ALK: variants seen among roughly 807,000 people sequenced by gnomAD.
ALK encodes the protein ALK receptor tyrosine kinase.
Under a neutral mutation model 163.1 loss-of-function variants are expected in ALK, and 74 were observed. The ratio of observed to expected loss-of-function variants is 0.45; its 90% CI spans 0.38 to 0.55. The LOEUF (loss-of-function observed/expected upper bound fraction) is 0.55. Among genes scored for constraint, ALK ranks in the 20% least tolerant of loss-of-function variants. The pLI is 0.00. For synonymous variants in ALK, 960 were observed against 843.2 expected, an observed-to-expected ratio of 1.14 and a Z score of -2.40; for missense variants, 2,063 against 2,105.3, an observed-to-expected ratio of 0.98 and a Z score of 0.39.
At chr2:29,726,231 T>G (rs1011219794) in intron 1 of ALK, among the ~76,000 whole-genome samples, 1 of 152,212 alleles carries the variant, frequency 6.6e-6, no homozygotes, top group African/African-American at 2.4e-5. Flanking sequence ...GGTCCATTTC[T>G]GTGGTTTGCT....
intron 1 of ALK, among the ~76,000 whole-genome samples, chr2:29,849,434 G>A (rs1396867762): frequency 6.6e-6 from 1 of 152,220 alleles, no homozygotes; most frequent in African/African-American, 2.4e-5. Context: ...GGAGGCAGGA[G>A]GCGGAACATG....
intron 4 of ALK, among the ~76,000 whole-genome samples, chr2:29,451,738 G>A (rs1670824864): frequency 6.6e-6 from 1 of 152,104 alleles, no homozygotes; most frequent in African/African-American, 2.4e-5. Flanking sequence ...ATGTTTATTT[G>A]CATATTTGTC....
chr2:29,458,455 G>A (rs1381618363), intron 4 of ALK, among the ~76,000 whole-genome samples: 1 of 152,146 alleles, frequency 6.6e-6, no homozygotes. Context: ...CTAAGGAGAT[G>A]TCGCTAATCA....
At chr2:29,374,279 A>C (rs1005882161) in intron 5 of ALK, among the ~76,000 whole-genome samples, 1 of 152,236 alleles carries the variant, frequency 6.6e-6, no homozygotes, top group Non-Finnish European at 1.5e-5. Flanking sequence ...TTTCCTGATG[A>C]GAAAATGAAA....
At chr2:29,849,966 G>A (rs1665948303) in intron 1 of ALK, among the ~76,000 whole-genome samples, 1 of 152,128 alleles carries the variant, frequency 6.6e-6, no homozygotes, top group Admixed American at 6.5e-5. Flanking sequence ...AGTTTTAGAG[G>A]AGAGGAAATT....
rs193217930 is a variant in ALK at position 29,770,124 on chromosome 2, C to T, written c.668-52427G>A. On this transcript the variant is annotated intron_variant, in intron 1 of 28. Transcript: ENST00000389048. ...ATCTGGAATTGGAGAAATGGAGACT[C>T]CCGGTCCAGGGACACCAGGCACAGT... 4.6e-5 allele frequency among the ~76,000 whole-genome samples: 7 copies of T among 152,298 alleles called. No individual in the cohort carries two copies. The East Asian group carries it at 1.3e-3, about 29-fold the overall frequency.
chr2:29,779,407 A>G (rs1189159865), intron 1 of ALK, among the ~76,000 whole-genome samples: 2 of 152,136 alleles, frequency 1.3e-5, no homozygotes, highest in African/African-American at 4.8e-5. Context: ...TAATGAACAG[A>G]CACAGATAAA....
chr2:29,363,107 G>A (rs1406140590), intron 5 of ALK, among the ~76,000 whole-genome samples: 1 of 152,144 alleles, frequency 6.6e-6, no homozygotes, highest in African/African-American at 2.4e-5. Context: ...CCTCTCTCCA[G>A]GAGTCCTCAG....
At chr2:29,217,253 C>T (rs1329448288) in intron 23 of ALK, among the ~76,000 whole-genome samples, 6 of 133,924 alleles carry the variant, frequency 4.5e-5, no homozygotes, top group Admixed American at 1.5e-4. Flanking sequence ...GTGTGATGTA[C>T]GTGTGTGGTG....
chr2:29,589,060 G>A (rs1227135968), intron 3 of ALK, among the ~76,000 whole-genome samples: 1 of 152,114 alleles, frequency 6.6e-6, no homozygotes, highest in East Asian at 1.9e-4. Context: ...AGGTCTGAGA[G>A]CTTTAGAGGT....
intron 3 of ALK, among the ~76,000 whole-genome samples, chr2:29,661,611 CTATAAGG>C (rs750396018): frequency 6.6e-6 from 1 of 152,078 alleles, no homozygotes; most frequent in Non-Finnish European, 1.5e-5. Flanking sequence ...CATAAAAATC[CTATAAGG>C]TATGACTGTC....
intron 8 of ALK, among the ~76,000 whole-genome samples, chr2:29,305,773 G>A (rs1370582674): frequency 6.6e-6 from 1 of 152,092 alleles, no homozygotes; most frequent in Non-Finnish European, 1.5e-5. Context: ...ACAGACCAGG[G>A]GCTGGGGGTT....
intron 1 of ALK, among the ~76,000 whole-genome samples, chr2:29,824,791 T>C (rs993407660): frequency 2.0e-5 from 3 of 152,244 alleles, no homozygotes; most frequent in Middle Eastern, 3.4e-3. Context: ...AGATGAGATG[T>C]TGAACTGTGG....
intron 3 of ALK, among the ~76,000 whole-genome samples, chr2:29,669,292 T>C (rs1384983486): frequency 6.6e-6 from 1 of 152,112 alleles, no homozygotes; most frequent in Non-Finnish European, 1.5e-5. Context: ...ATTAGGTACA[T>C]AGATATTTAT....
At chr2:29,534,943 T>C (rs1044101285) in intron 3 of ALK, among the ~76,000 whole-genome samples, 2 of 152,260 alleles carry the variant, frequency 1.3e-5, no homozygotes, top group African/African-American at 4.8e-5. Flanking sequence ...GAGCTTATTT[T>C]CACTCTCAAT....
intron 3 of ALK, among the ~76,000 whole-genome samples, chr2:29,565,303 A>G (rs1475854300): frequency 6.6e-6 from 1 of 152,216 alleles, no homozygotes; most frequent in Non-Finnish European, 1.5e-5. Context: ...TGGAACTGAG[A>G]TTTGAACTCG....
chr2:29,386,860 C>T (rs922776820), intron 4 of ALK, among the ~76,000 whole-genome samples: 10 of 152,288 alleles, frequency 6.6e-5, no homozygotes, highest in African/African-American at 1.2e-4. Flanking sequence ...TTTAAGAGAA[C>T]GCCAAAAACC....
chr2:29,900,364 T>C (rs1018638432), intron 1 of ALK, among the ~76,000 whole-genome samples: 1 of 152,210 alleles, frequency 6.6e-6, no homozygotes, highest in Non-Finnish European at 1.5e-5. Context: ...CCAGGGCAGG[T>C]TGCCAAGGCT....
At chr2:29,739,082 T>G (rs1014360193) in intron 1 of ALK, among the ~76,000 whole-genome samples, 3 of 150,942 alleles carry the variant, frequency 2.0e-5, no homozygotes, top group Admixed American at 6.6e-5. Flanking sequence ...TCAAAAAAAT[T>G]TTTTAAAATA....
Sources: allele counts gnomAD v4.1 joint callset (sites outside exome capture counted in the v4.1 genomes callset), GRCh38; gene constraint gnomAD v4.1.1; transcripts MANE v1.5; gene names NCBI Gene and HGNC (gene_info 2026-07-23, HGNC 2026-07-21).